CHD6: variants seen among roughly 807,000 people sequenced by gnomAD.
CHD6 encodes ATP-dependent chromatin remodeler CHD6.
CHD6 carries 50 observed loss-of-function variants against 276.9 expected under a neutral mutation model. That is an observed-to-expected ratio of 0.18 (90% CI 0.14 to 0.23). The LOEUF (loss-of-function observed/expected upper bound fraction) is 0.23. Among genes scored for constraint, CHD6 ranks in the 10% least tolerant of loss-of-function variants. The probability of loss-of-function intolerance (pLI) is 1.00; values close to 1 mark genes in which losing one functional copy is unlikely to be tolerated. For synonymous variants in CHD6, 1,173 were observed against 1,229.3 expected (o/e 0.95, Z 0.96); for missense variants, 2,564 against 3,365.8 (o/e 0.76, Z 5.89).
At chr20:41,495,640 A>T (rs568384767) in intron 8 of CHD6, among the ~76,000 whole-genome samples, 1 of 152,332 alleles carries the variant, frequency 6.6e-6, no homozygotes, top group South Asian at 2.1e-4. Flanking sequence ...AAGAAAGAAA[A>T]AAAACCCCCT....
chr20:41,422,145 C>A lies in CHD6; in HGVS notation c.4556-66G>T. On this transcript the variant is annotated intron_variant, in intron 30 of 36. Coordinates refer to ENST00000373233, the MANE Select transcript of CHD6 (RefSeq NM_032221.5). ...CTCAGACACTCCCCGCCCACCTGAGCCCCTGCATCTTTGGTCTTGGAGTTT... is the reference window on the plus strand; with the variant it reads ...CTCAGACACTCCCCGCCCACCTGAGACCCTGCATCTTTGGTCTTGGAGTTT... The A allele has an allele frequency of 2.0e-6, 3 of 1,499,548 alleles. No individual in the cohort carries two copies. The South Asian group carries it at 4.0e-5, about 20-fold the overall frequency. The allele number at this position is 1,499,548 out of a possible 1,614,324, so 92.9% of individuals were successfully genotyped here. A position where few individuals can be genotyped will look rare whatever the true frequency, so the allele number is the denominator to read the frequency against.
At chr20:41,498,249 A>G in intron 6 of CHD6, 23 bp from the exon 7 acceptor site, 1 of 1,587,398 alleles carries the variant, frequency 6.3e-7, no homozygotes, top group Non-Finnish European at 8.6e-7. Flanking sequence ...GCAAGCAGTT[A>G]TCAGCCCAGA....
intron 1 of CHD6, among the ~76,000 whole-genome samples, chr20:41,565,690 C>G (rs2045347979): frequency 7.1e-6 from 1 of 141,662 alleles, no homozygotes; most frequent in Non-Finnish European, 1.5e-5. Context: ...ATTCGGCTCT[C>G]TTAGTACTAC....
At chr20:41,468,808 A>G (rs2042988136) in intron 17 of CHD6, among the ~76,000 whole-genome samples, 1 of 152,070 alleles carries the variant, frequency 6.6e-6, no homozygotes, top group African/African-American at 2.4e-5. Flanking sequence ...TGAGCTCAGG[A>G]GTTCAAGACC....
intron 24 of CHD6, 47 bp downstream of exon 24, chr20:41,447,835 T>C (rs771845073): frequency 3.6e-6 from 5 of 1,407,988 alleles, no homozygotes; most frequent in Non-Finnish European, 5.0e-6. Context: ...AATAGGCATT[T>C]TATGTCAATT....
At chr20:41,603,170 T>C (rs1350845505) in intron 1 of CHD6, among the ~76,000 whole-genome samples, 1 of 151,786 alleles carries the variant, frequency 6.6e-6, no homozygotes, top group African/African-American at 2.4e-5. Flanking sequence ...CTGGCCAACA[T>C]GGTGAAACCC....
intron 19 of CHD6, among the ~76,000 whole-genome samples, chr20:41,455,411 G>C (rs1366535095): frequency 6.6e-6 from 1 of 152,176 alleles, no homozygotes; most frequent in East Asian, 1.9e-4. Context: ...CAAACAAATT[G>C]CTTGAGTTTG....
At chr20:41,557,275 A>G (rs2045250345) in intron 1 of CHD6, among the ~76,000 whole-genome samples, 1 of 152,256 alleles carries the variant, frequency 6.6e-6, no homozygotes, top group Non-Finnish European at 1.5e-5. Context: ...TATCTTCACA[A>G]GAAGGTAAGC....
chr20:41,568,445 T>C (rs1377349160), intron 1 of CHD6, among the ~76,000 whole-genome samples: 1 of 152,162 alleles, frequency 6.6e-6, no homozygotes, highest in Non-Finnish European at 1.5e-5. Flanking sequence ...AGAGAAAAGT[T>C]TGTACTTTGA....
intron 5 of CHD6, among the ~76,000 whole-genome samples, chr20:41,505,999 C>T (rs1601031707): frequency 6.6e-6 from 1 of 152,146 alleles, no homozygotes; most frequent in African/African-American, 2.4e-5. Context: ...GTAATCCTAA[C>T]TCTTCTCTTT....
intron 8 of CHD6, among the ~76,000 whole-genome samples, chr20:41,494,423 A>G (rs949282967): frequency 1.3e-5 from 2 of 152,240 alleles, no homozygotes; most frequent in African/African-American, 4.8e-5. Context: ...ATTGAGATGT[A>G]TACTTTTATC....
chr20:41,415,513 G>T lies in CHD6; in HGVS notation c.6612C>A (p.Thr2204=). The change falls in exon 34 of 37, where the codon ACC becomes ACA. Residue 2204 remains threonine, a synonymous_variant. Transcript: ENST00000373233. The part of the protein sequence containing the change: ...LEQFSATHGH[T]PIILNGWHGE... ...CATGCCAGCCATTGAGGATGATAGG[G>T]GTGTGCCCGTGGGTGGCAGAGAACT... 6.2e-7 allele frequency: 1 copy of T among 1,614,078 alleles called. No homozygotes were observed. The highest frequency in any genetic ancestry group is 8.5e-7 in the Non-Finnish European group (1 of 1,180,010).
intron 27 of CHD6, among the ~76,000 whole-genome samples, chr20:41,431,244 C>A (rs2047528574): frequency 6.6e-6 from 1 of 152,152 alleles, no homozygotes; most frequent in Non-Finnish European, 1.5e-5. Flanking sequence ...CTTGAGGACA[C>A]AGGGAAATGC....
chr20:41,617,900 G>A (rs1004626160), intron 1 of CHD6, among the ~76,000 whole-genome samples: 3 of 147,602 alleles, frequency 2.0e-5, no homozygotes, highest in Non-Finnish European at 3.0e-5. Context: ...GGTCACCCCC[G>A]CCCCGCCCCA....
chr20:41,456,836 T>C (rs766741631), intron 18 of CHD6, among the ~76,000 whole-genome samples: 85 of 152,352 alleles, frequency 5.6e-4, no homozygotes, highest in Middle Eastern at 3.4e-3. Context: ...ATTCATTTAC[T>C]GACCATCCAG....
chr20:41,494,573 T>C (rs913112987), intron 8 of CHD6, among the ~76,000 whole-genome samples: 3 of 152,182 alleles, frequency 2.0e-5, no homozygotes, highest in African/African-American at 4.8e-5. Context: ...GGTACTATAA[T>C]TACCTTACAG....
chr20:41,555,449 G>GGGGGAGA (rs1396881188), intron 1 of CHD6, among the ~76,000 whole-genome samples: 1 of 150,676 alleles, frequency 6.6e-6, no homozygotes, highest in African/African-American at 2.5e-5. Flanking sequence ...TGGCTGCCGG[G>GGGGGAGA]CGGAGACGCT....
intron 1 of CHD6, among the ~76,000 whole-genome samples, chr20:41,597,039 G>A (rs931284077): frequency 1.3e-5 from 2 of 151,954 alleles, no homozygotes; most frequent in African/African-American, 4.8e-5. Flanking sequence ...CCATATAAAG[G>A]GTATGTAAAA....
At chr20:41,423,974 G>A (rs1192073081) in intron 29 of CHD6, among the ~76,000 whole-genome samples, 1 of 152,128 alleles carries the variant, frequency 6.6e-6, no homozygotes, top group Non-Finnish European at 1.5e-5. Flanking sequence ...GTATACACTT[G>A]CTATCTCTTG....
Sources: allele counts gnomAD v4.1 joint callset (sites outside exome capture counted in the v4.1 genomes callset), GRCh38; gene constraint gnomAD v4.1.1; transcripts MANE v1.5; gene names NCBI Gene and HGNC (gene_info 2026-07-23, HGNC 2026-07-21).